The following KIAA1671 variants were observed in gnomAD, a reference collection of about 807,000 sequenced individuals.
The protein encoded by KIAA1671 is KIAA1671, also known as uncharacterized protein KIAA1671.
In KIAA1671, 52 loss-of-function variants were observed where a neutral mutation model predicts 131.2. The ratio of observed to expected loss-of-function variants is 0.40; its 90% CI spans 0.32 to 0.50. The LOEUF is 0.50. KIAA1671 is among the 20% of genes least tolerant of loss of function. The probability of loss-of-function intolerance (pLI) is 0.73; values close to 1 mark genes in which losing one functional copy is unlikely to be tolerated. For missense variants in KIAA1671, 2,360 were observed against 2,364.2 expected (o/e 1.00, Z 0.04); for synonymous variants, 1,003 against 961.6 (o/e 1.04, Z -0.80).
intron 6 of KIAA1671, among the ~76,000 whole-genome samples, chr22:25,077,773 C>T (rs1447442167): frequency 6.6e-6 from 1 of 152,160 alleles, no homozygotes; most frequent in Non-Finnish European, 1.5e-5. Flanking sequence ...ACTCTGTGAC[C>T]AGATTTTTGA....
rs1186066220 is a variant in KIAA1671, at chr22:24,966,482, C to T, written c.-208+13710C>T. 2.6e-5 allele frequency among the ~76,000 whole-genome samples: 4 copies of T among 152,310 alleles called. 1 individual carries two copies. In the East Asian group the frequency reaches 5.8e-4, roughly 22 times the overall value. ...GCTGGGGAGTGGCTTGGTTAGGGAA[C>T]TCCCAGTGCCCTTTGGCCTGGGAAG... On this transcript the variant is annotated intron_variant, in intron 1 of 12. Transcript: ENST00000358431.
chr22:25,183,465 TCTTC>T (rs1255973550), intron 10 of KIAA1671, among the ~76,000 whole-genome samples: 1 of 64,740 alleles, frequency 1.5e-5, no homozygotes, highest in African/African-American at 6.3e-5. Flanking sequence ...TCCCTCCCTC[TCTTC>T]CTTCCTTCCT....
At chr22:25,092,342 C>T (rs1930063648) in intron 6 of KIAA1671, among the ~76,000 whole-genome samples, 2 of 152,076 alleles carry the variant, frequency 1.3e-5, no homozygotes, top group South Asian at 4.1e-4. Flanking sequence ...GTGCAAAGGC[C>T]CTGCATTGGG....
At chr22:25,041,612 C>G in intron 5 of KIAA1671, 87 bp downstream of exon 5, 1 of 1,361,064 alleles carries the variant, frequency 7.3e-7, no homozygotes, top group South Asian at 1.5e-5. Flanking sequence ...GTGTGGCCCA[C>G]TTTGGGTACA....
chr22:25,154,114 C>G (rs1933142753), intron 6 of KIAA1671, among the ~76,000 whole-genome samples: 1 of 152,218 alleles, frequency 6.6e-6, no homozygotes, highest in Non-Finnish European at 1.5e-5. Flanking sequence ...CCAGGGTTTC[C>G]CTACGTGCCC....
chr22:25,087,432 A>AGGGG (rs1929786009), intron 6 of KIAA1671, among the ~76,000 whole-genome samples: 1 of 152,076 alleles, frequency 6.6e-6, no homozygotes, highest in Admixed American at 6.5e-5. Flanking sequence ...GAAAATACAA[A>AGGGG]AATTAGGCAG....
At chr22:25,011,397 C>T (rs1215875719) in intron 1 of KIAA1671, 1 of 152,148 alleles carries the variant, frequency 6.6e-6, no homozygotes, top group African/African-American at 2.4e-5. Flanking sequence ...GATCCATCCA[C>T]CTTGGCCTCC....
chr22:24,978,643 T>C (rs1923039203), intron 1 of KIAA1671, among the ~76,000 whole-genome samples: 1 of 152,096 alleles, frequency 6.6e-6, no homozygotes. Flanking sequence ...CTTTTAAAAA[T>C]TGTGAAATAT....
In KIAA1671 at chr22:25,070,214, G is replaced by A. The variant is rs949578837; in HGVS notation, c.4530+20850G>A. On this transcript the variant is annotated intron_variant, in intron 6 of 12. Coordinates refer to ENST00000358431, the MANE Select transcript of KIAA1671 (RefSeq NM_001145206.2). ...GGCAGCCGTGGCCATTAGTGGAGCC[G>A]ACTGGCTGGTCCCCTGGCCGTGAGC... 62 of 395,250 alleles carry A rather than the reference G, an allele frequency of 1.6e-4. No homozygotes were observed. In the East Asian group the frequency reaches 1.9e-3, roughly 12 times the overall value. 24.5% of individuals were successfully genotyped at this position (395,250 alleles called of 1,614,324 possible).
chr22:24,995,720 G>T (rs138605372), intron 1 of KIAA1671, among the ~76,000 whole-genome samples: 2 of 152,336 alleles, frequency 1.3e-5, no homozygotes, highest in African/African-American at 4.8e-5. Flanking sequence ...TGTAGGTGTT[G>T]ACCATTGGCA....
chr22:25,120,160 C>G (rs1931862677), intron 6 of KIAA1671, among the ~76,000 whole-genome samples: 1 of 152,212 alleles, frequency 6.6e-6, no homozygotes, highest in Admixed American at 6.5e-5. Flanking sequence ...TCTCCCACTG[C>G]CTGTGCCAAC....
chr22:25,099,818 T>C (rs1467810870), intron 6 of KIAA1671, among the ~76,000 whole-genome samples: 1 of 152,018 alleles, frequency 6.6e-6, no homozygotes. Context: ...TGGCCAAATA[T>C]GGGTACTTAA....
intron 1 of KIAA1671, among the ~76,000 whole-genome samples, chr22:25,025,370 A>G (rs1054437381): frequency 1.3e-5 from 2 of 152,124 alleles, no homozygotes; most frequent in African/African-American, 4.8e-5. Context: ...GGGATGTTTC[A>G]TGCTCATCTT....
At chr22:25,133,053 CAAAAAA>C (rs200397060) in intron 6 of KIAA1671, among the ~76,000 whole-genome samples, 150 of 90,468 alleles carry the variant, frequency 1.7e-3, no homozygotes, top group African/African-American at 6.0e-3. Flanking sequence ...GACTCCATCT[CAAAAAA>C]AAAAAAAAAA....
intron 6 of KIAA1671, among the ~76,000 whole-genome samples, chr22:25,092,048 C>T (rs1258212446): frequency 3.3e-5 from 5 of 152,042 alleles, no homozygotes; most frequent in African/African-American, 7.3e-5. Context: ...TCTCTGTGCC[C>T]GACGCTGTTA....
intron 1 of KIAA1671, among the ~76,000 whole-genome samples, chr22:24,962,886 T>C (rs1922086096): frequency 1.3e-5 from 2 of 152,014 alleles, no homozygotes; most frequent in Admixed American, 1.3e-4. Flanking sequence ...CAAAGTGCCT[T>C]TACCAGCCAC....
chr22:24,963,811 G>A (rs1414218513), intron 1 of KIAA1671, among the ~76,000 whole-genome samples: 2 of 151,528 alleles, frequency 1.3e-5, no homozygotes, highest in Non-Finnish European at 2.9e-5. Flanking sequence ...GTGGTGGCAG[G>A]TGCCTGTATT....
At chr22:25,061,774 G>A (rs1928173621) in intron 6 of KIAA1671, 2 of 151,982 alleles carry the variant, frequency 1.3e-5, no homozygotes, top group African/African-American at 4.8e-5. Flanking sequence ...CCCAGCTCCT[G>A]GTAGGGCTTA....
intron 1 of KIAA1671, among the ~76,000 whole-genome samples, chr22:24,960,866 GAC>G (rs1203096558): frequency 6.6e-6 from 1 of 152,016 alleles, no homozygotes; most frequent in Non-Finnish European, 1.5e-5. Flanking sequence ...CTGTGCGAGA[GAC>G]AGCCTCTTTG....
Sources: allele counts gnomAD v4.1 joint callset (sites outside exome capture counted in the v4.1 genomes callset), GRCh38; gene constraint gnomAD v4.1.1; transcripts MANE v1.5; gene names NCBI Gene and HGNC (gene_info 2026-07-23, HGNC 2026-07-21).